The following LPA variants were observed in gnomAD, a reference collection of about 807,000 sequenced individuals.
The protein encoded by LPA is lipoprotein(a).
A neutral mutation model predicts 197.9 loss-of-function variants in LPA; 199 were observed. The observed-to-expected ratio is 1.01, with a 90% CI of 0.90 to 1.13. The LOEUF is 1.13. LPA is among the 50% of genes most tolerant of loss of function. The probability of loss-of-function intolerance (pLI) is 0.00; values close to 1 mark genes in which losing one functional copy is unlikely to be tolerated. For synonymous variants in LPA, 715 were observed against 639.5 expected, an observed-to-expected ratio of 1.12 and a Z score of -1.78; for missense variants, 1,853 against 1,785.8, an observed-to-expected ratio of 1.04 and a Z score of -0.68.
At position 160,601,294 on chromosome 6, in the gene LPA, T is replaced by A. The variant is rs564530383; in HGVS notation, c.2946-196A>T. Among the ~76,000 whole-genome samples, 53 of 152,290 alleles carry A rather than the reference T, an allele frequency of 3.5e-4. No homozygotes were observed. In the South Asian group the frequency reaches 0.011, roughly 30 times the overall value. On this transcript the variant is annotated intron_variant, in intron 18 of 38. Transcript: ENST00000316300. ...TTCTCATACTTAATATATTATCACTTTTTTTAAAGAAAAAAAATCTAATGC... is the reference window on the plus strand; with the variant it reads ...TTCTCATACTTAATATATTATCACTATTTTTAAAGAAAAAAAATCTAATGC...
At chr6:160,576,290 T>C (rs907490727) in intron 28 of LPA, among the ~76,000 whole-genome samples, 4 of 144,490 alleles carry the variant, frequency 2.8e-5, no homozygotes, top group Non-Finnish European at 4.5e-5. Flanking sequence ...CCACTGGTGC[T>C]TCAGGCCCAG....
intron 37 of LPA, among the ~76,000 whole-genome samples, chr6:160,534,561 A>G (rs1279768501): frequency 6.6e-6 from 1 of 152,228 alleles, no homozygotes; most frequent in Non-Finnish European, 1.5e-5. Flanking sequence ...TGGTACATCC[A>G]AATCCGGGAA....
intron 2 of LPA, among the ~76,000 whole-genome samples, chr6:160,649,933 A>G (rs1251035119): frequency 6.6e-6 from 1 of 152,212 alleles, no homozygotes; most frequent in African/African-American, 2.4e-5. Flanking sequence ...GCCTTTCCAT[A>G]GATATGCACA....
At chr6:160,556,258 G>T (rs951428951) in intron 29 of LPA, 74 bp from the exon 30 acceptor site, 48 of 1,415,720 alleles carry the variant, frequency 3.4e-5, no homozygotes, top group Non-Finnish European at 4.6e-5. Flanking sequence ...GACACAAACA[G>T]GACAGTAGTT....
intron 26 of LPA, among the ~76,000 whole-genome samples, chr6:160,584,693 G>A (rs1253304614): frequency 2.6e-5 from 4 of 152,210 alleles, no homozygotes; most frequent in Admixed American, 2.0e-4. Context: ...TCAGGGAATG[G>A]AGGATAGAAT....
chr6:160,652,479 C>A (rs1183704921), intron 1 of LPA, among the ~76,000 whole-genome samples: 1 of 152,092 alleles, frequency 6.6e-6, no homozygotes, highest in Non-Finnish European at 1.5e-5. Flanking sequence ...AAAATAAAGA[C>A]TTCTTCAGAC....
intron 26 of LPA, 121 bp from the exon 27 acceptor site, chr6:160,578,825 C>G (rs1023598947): frequency 6.4e-6 from 9 of 1,396,622 alleles, no homozygotes; most frequent in African/African-American, 1.4e-5. Flanking sequence ...TCCCATTATA[C>G]CACAATAATA....
chr6:160,593,232 C>T (rs1779063898), intron 22 of LPA, among the ~76,000 whole-genome samples: 1 of 152,174 alleles, frequency 6.6e-6, no homozygotes, highest in African/African-American at 2.4e-5. Flanking sequence ...ATGCCAGGGA[C>T]ATGATAAGGT....
At chr6:160,589,419 A>G (rs1778980425) in intron 24 of LPA, 134 bp downstream of exon 24, 1 of 1,055,698 alleles carries the variant, frequency 9.5e-7, no homozygotes, top group Non-Finnish European at 1.4e-6. Flanking sequence ...CCAAAGCAAG[A>G]AGCCTGAGAC....
chr6:160,561,618 T>C (rs1778363827), intron 28 of LPA, among the ~76,000 whole-genome samples: 1 of 152,200 alleles, frequency 6.6e-6, no homozygotes, highest in Admixed American at 6.5e-5. Context: ...AAATCAATGG[T>C]AGCTTGATGG....
chr6:160,578,919 T>C (rs1473553882), intron 26 of LPA, among the ~76,000 whole-genome samples: 1 of 152,192 alleles, frequency 6.6e-6, no homozygotes, highest in African/African-American at 2.4e-5. Flanking sequence ...TTTTAAAACA[T>C]CAAAAGTAGT....
chr6:160,610,842 C>T (rs1156388663), intron 16 of LPA, among the ~76,000 whole-genome samples: 3 of 152,140 alleles, frequency 2.0e-5, no homozygotes, highest in African/African-American at 7.2e-5. Context: ...GGCCCTCTCT[C>T]AATTCTCTAG....
Position 160,537,761 on chromosome 6 carries a change from A to C in LPA, c.5842+94T>G. On this transcript the variant is annotated intron_variant, in intron 37 of 38. Transcript: ENST00000316300. ...GAGTGGGTAGACCACATTCATGGGT[A>C]GGAATTTGTACAACTATCTCCAAAA... is the stretch of plus-strand genomic sequence containing the variant. 1.0e-5 allele frequency: 12 copies of C among 1,149,392 alleles called. No homozygotes were observed. The South Asian group carries it at 1.6e-4, about 15-fold the overall frequency. The allele number at this position is 1,149,392 out of a possible 1,614,324, so 71.2% of individuals were successfully genotyped here.
intron 35 of LPA, 53 bp from the exon 36 acceptor site, chr6:160,540,236 T>A: frequency 3.7e-6 from 6 of 1,611,404 alleles, no homozygotes; most frequent in Non-Finnish European, 5.1e-6. Context: ...CCTTCAGGTA[T>A]CCTCTGTGCC....
At chr6:160,587,816 T>TGTTG (rs1778943902) in intron 24 of LPA, among the ~76,000 whole-genome samples, 2 of 150,686 alleles carry the variant, frequency 1.3e-5, no homozygotes, top group African/African-American at 4.9e-5. Context: ...TCTGTTGGTC[T>TGTTG]GTCTGTCTGT....
rs368795019 is a variant in LPA, at chr6:160,540,040, T to G, written c.5735+3A>C. 1.2e-5 allele frequency: 20 copies of G among 1,613,798 alleles called. No homozygotes were observed. Among genetic ancestry groups the G allele is most frequent in the Non-Finnish European group, 1.7e-5 (20 of 1,179,992 alleles). ...GGGGTGAAGACCACAGGTGAGCGAG[T>G]ACCTGCTTAGCTTTAGCAAGGCAAT... On this transcript the variant is annotated splice_donor_region_variant and intron_variant, in intron 36 of 38. Coordinates refer to ENST00000316300, the MANE Select transcript of LPA (RefSeq NM_005577.4).
intron 26 of LPA, among the ~76,000 whole-genome samples, chr6:160,579,372 G>T (rs1478120054): frequency 5.9e-5 from 9 of 152,198 alleles, no homozygotes; most frequent in Admixed American, 5.2e-4. Context: ...CAGGCAGGAT[G>T]CTGCTTCTCT....
chr6:160,652,387 C>T (rs924925533), intron 1 of LPA, among the ~76,000 whole-genome samples: 2 of 152,046 alleles, frequency 1.3e-5, no homozygotes, highest in Non-Finnish European at 2.9e-5. Flanking sequence ...TATAATGGAA[C>T]ATCATTGTTA....
At chr6:160,557,597 C>T in intron 28 of LPA, 26 bp from the exon 29 acceptor site, 1 of 1,612,520 alleles carries the variant, frequency 6.2e-7, no homozygotes. Context: ...CAACACAGGT[C>T]ACAAGAGGCG....
Sources: allele counts gnomAD v4.1 joint callset (sites outside exome capture counted in the v4.1 genomes callset), GRCh38; gene constraint gnomAD v4.1.1; transcripts MANE v1.5; gene names NCBI Gene and HGNC (gene_info 2026-07-23, HGNC 2026-07-21).